MAP4K4: variants seen among roughly 807,000 people sequenced by gnomAD.
The protein encoded by MAP4K4 is HPK/GCK-like kinase HGK.
In MAP4K4, 38 loss-of-function variants were observed where a neutral mutation model predicts 189.6. The ratio of observed to expected loss-of-function variants is 0.20; its 90% CI spans 0.15 to 0.26. MAP4K4 has a LOEUF of 0.26. MAP4K4 is among the 10% of genes least tolerant of loss of function. The pLI is 1.00. For synonymous variants in MAP4K4, 610 were observed against 624.3 expected (o/e 0.98, Z 0.34); for missense variants, 1,054 against 1,726.9 (o/e 0.61, Z 6.91).
At chr2:101,716,828 C>A (rs2048697874) in intron 2 of MAP4K4, among the ~76,000 whole-genome samples, 1 of 152,158 alleles carries the variant, frequency 6.6e-6, no homozygotes, top group Non-Finnish European at 1.5e-5. Context: ...TTTAAGCACC[C>A]TGGCCTTTTG....
At chr2:101,852,689 T>C (rs2149727373) in intron 12 of MAP4K4, among the ~76,000 whole-genome samples, 1 of 152,300 alleles carries the variant, frequency 6.6e-6, no homozygotes, top group East Asian at 1.9e-4. Flanking sequence ...GTAATTATGT[T>C]GACATTATAT....
At chr2:101,792,219 T>C (rs2092993135) in intron 3 of MAP4K4, among the ~76,000 whole-genome samples, 1 of 152,216 alleles carries the variant, frequency 6.6e-6, no homozygotes, top group Non-Finnish European at 1.5e-5. Flanking sequence ...GGTGCTGTGT[T>C]GGGAGTGGTG....
chr2:101,840,317 A>G (rs2096878057), intron 10 of MAP4K4, among the ~76,000 whole-genome samples: 1 of 152,150 alleles, frequency 6.6e-6, no homozygotes, highest in African/African-American at 2.4e-5. Flanking sequence ...ACTGGGGTGT[A>G]TTGAGCATCT....
intron 2 of MAP4K4, among the ~76,000 whole-genome samples, chr2:101,713,723 C>A (rs1452573048): frequency 6.6e-6 from 1 of 151,086 alleles, no homozygotes; most frequent in African/African-American, 2.4e-5. Context: ...GGCGAAACCC[C>A]GTCTCTACTA....
intron 27 of MAP4K4, among the ~76,000 whole-genome samples, chr2:101,879,655 A>C (rs1259940513): frequency 6.6e-6 from 1 of 152,134 alleles, no homozygotes; most frequent in Non-Finnish European, 1.5e-5. Flanking sequence ...AGATAGCCCC[A>C]CCCTGGTGAA....
chr2:101,770,656 C>T (rs2080957941), intron 2 of MAP4K4, among the ~76,000 whole-genome samples: 1 of 152,178 alleles, frequency 6.6e-6, no homozygotes, highest in African/African-American at 2.4e-5. Context: ...CTGGCAATGG[C>T]TTGTCTTCCA....
At chr2:101,803,207 CAAGTT>C (rs1191489465) in intron 3 of MAP4K4, among the ~76,000 whole-genome samples, 1 of 151,504 alleles carries the variant, frequency 6.6e-6, no homozygotes, top group East Asian at 1.9e-4. Context: ...ACCCAAAACT[CAAGTT>C]AAGTTACATA....
At chr2:101,728,768 C>T (rs114307867) in intron 2 of MAP4K4, among the ~76,000 whole-genome samples, 1,637 of 152,282 alleles carry the variant, frequency 0.011, 38 homozygotes, top group African/African-American at 0.037. Context: ...ATCCACCCAC[C>T]GCTGCTTCCC....
At chr2:101,812,608 A>G (rs116385474) in intron 3 of MAP4K4, among the ~76,000 whole-genome samples, 3,202 of 150,312 alleles carry the variant, frequency 0.021, 50 homozygotes, top group Non-Finnish European at 0.03. Context: ...ATATAAAATG[A>G]TTAATAGCAA....
At chr2:101,763,366 T>C (rs1488866513) in intron 2 of MAP4K4, among the ~76,000 whole-genome samples, 2 of 152,216 alleles carry the variant, frequency 1.3e-5, no homozygotes, top group Non-Finnish European at 2.9e-5. Flanking sequence ...AAGTTATTAA[T>C]ATATACCCAC....
chr2:101,811,076 A>G (rs1326098048), intron 3 of MAP4K4, among the ~76,000 whole-genome samples: 12 of 152,160 alleles, frequency 7.9e-5, no homozygotes, highest in Admixed American at 7.9e-4. Context: ...GTCTAGGCTC[A>G]AGAATGTGAA....
intron 2 of MAP4K4, among the ~76,000 whole-genome samples, chr2:101,732,238 C>A (rs1022148088): frequency 1.3e-5 from 2 of 152,108 alleles, no homozygotes; most frequent in Admixed American, 1.3e-4. Flanking sequence ...CATAAACTTT[C>A]CAGAATTTAT....
chr2:101,875,727 T>TA (rs898796174), intron 26 of MAP4K4, among the ~76,000 whole-genome samples: 3 of 152,200 alleles, frequency 2.0e-5, no homozygotes, highest in Non-Finnish European at 4.4e-5. Flanking sequence ...CTGTGCTACA[T>TA]GTTACAAAGG....
At chr2:101,822,251 G>A (rs1281766670) in intron 3 of MAP4K4, among the ~76,000 whole-genome samples, 2 of 152,128 alleles carry the variant, frequency 1.3e-5, no homozygotes, top group Admixed American at 1.3e-4. Context: ...TGGCTGTGCG[G>A]CAGGTTAGTT....
intron 3 of MAP4K4, among the ~76,000 whole-genome samples, chr2:101,817,495 C>T (rs1246908877): frequency 1.4e-4 from 22 of 152,128 alleles, no homozygotes; most frequent in Admixed American, 1.4e-3. Flanking sequence ...CCTCCCCACC[C>T]CCATCCATCC....
Position 101,732,483 on chromosome 2 carries a change from ATGCAAC to A in MAP4K4, c.123+33950_123+33955del, listed in dbSNP as rs2058881065. ...TTTCATTCCCCGCTCCCCTAGCCCC[ATGCAAC>A]TGCATTTCCCCTCTTCTGTGCTGAG... On this transcript the variant is annotated intron_variant, in intron 2 of 32. Coordinates refer to ENST00000324219, the Ensembl canonical transcript of MAP4K4. 3.3e-5 allele frequency among the ~76,000 whole-genome samples: 5 copies of A among 152,180 alleles called. No individual in the cohort carries two copies. The South Asian group carries it at 1.0e-3, about 32-fold the overall frequency.
At chr2:101,720,291 A>G in intron 2 of MAP4K4, among the ~76,000 whole-genome samples, 1 of 150,224 alleles carries the variant, frequency 6.7e-6, no homozygotes, top group Non-Finnish European at 1.5e-5. Flanking sequence ...CTCCTCCCTC[A>G]GCTTCCTGAG....
chr2:101,825,164 G>T (rs543793744), intron 4 of MAP4K4, among the ~76,000 whole-genome samples, 155 bp from the exon 5 acceptor site: 1 of 152,294 alleles, frequency 6.6e-6, no homozygotes, highest in South Asian at 2.1e-4. Flanking sequence ...ACTATGAAAT[G>T]AGCTTTCAGT....
intron 29 of MAP4K4, among the ~76,000 whole-genome samples, chr2:101,886,159 A>G (rs2098477502): frequency 6.6e-6 from 1 of 152,242 alleles, no homozygotes; most frequent in African/African-American, 2.4e-5. Flanking sequence ...TTGGTTATAC[A>G]GTTATATTAT....
Sources: allele counts gnomAD v4.1 joint callset (sites outside exome capture counted in the v4.1 genomes callset), GRCh38; gene constraint gnomAD v4.1.1; transcripts MANE v1.5; gene names NCBI Gene and HGNC (gene_info 2026-07-23, HGNC 2026-07-21).